Variants in DAB1 observed in about 807,000 individuals in gnomAD.
DAB1 encodes the protein DAB adaptor protein 1.
In DAB1, 15 loss-of-function variants were observed where a neutral mutation model predicts 64.6. That is an observed-to-expected ratio of 0.23 (90% CI 0.16 to 0.36). DAB1 has a LOEUF of 0.36. Among genes scored for constraint, DAB1 ranks in the 10% least tolerant of loss-of-function variants. The probability of loss-of-function intolerance (pLI) is 1.00; values close to 1 mark genes in which losing one functional copy is unlikely to be tolerated. For synonymous variants in DAB1, 235 were observed against 251.9 expected (o/e 0.93, Z 0.64); for missense variants, 596 against 706.7 (o/e 0.84, Z 1.78).
At chr1:58,007,972 C>T (rs767094979) in intron 5 of DAB1, among the ~76,000 whole-genome samples, 1 of 152,198 alleles carries the variant, frequency 6.6e-6, no homozygotes, top group South Asian at 2.1e-4. Context: ...GAATCTTCTA[C>T]GTGTCAAGCA....
chr1:57,057,989 A>G (rs1328065303), intron 9 of DAB1, among the ~76,000 whole-genome samples: 1 of 152,162 alleles, frequency 6.6e-6, no homozygotes, highest in Non-Finnish European at 1.5e-5. Flanking sequence ...AAAGAGTTTT[A>G]ATGACTTTAA....
At chr1:57,362,407 T>C (rs977348732) in intron 1 of DAB1, among the ~76,000 whole-genome samples, 5 of 152,176 alleles carry the variant, frequency 3.3e-5, no homozygotes, top group Non-Finnish European at 7.4e-5. Context: ...CTATACCTTC[T>C]CAGTGGCACC....
intron 1 of DAB1, among the ~76,000 whole-genome samples, chr1:57,409,096 C>T (rs1228311852): frequency 6.6e-6 from 1 of 152,192 alleles, no homozygotes; most frequent in Non-Finnish European, 1.5e-5. Context: ...TTCTATGCTT[C>T]CGGCAGCCCA....
chr1:57,872,061 T>C (rs2101957996), intron 1 of DAB1, among the ~76,000 whole-genome samples: 1 of 152,340 alleles, frequency 6.6e-6, no homozygotes, highest in Admixed American at 6.5e-5. Context: ...TAATCTACAC[T>C]GTAGGATTCT....
intron 3 of DAB1, among the ~76,000 whole-genome samples, chr1:58,486,709 A>G (rs901274298): frequency 5.9e-5 from 9 of 152,216 alleles, no homozygotes; most frequent in Non-Finnish European, 1.3e-4. Flanking sequence ...CAATGAGTAC[A>G]TGGAAGGGAA....
chr1:58,460,817 T>C (rs567588849), intron 3 of DAB1, among the ~76,000 whole-genome samples: 2 of 152,334 alleles, frequency 1.3e-5, no homozygotes, highest in East Asian at 1.9e-4. Flanking sequence ...TTTACTAAGA[T>C]GCAATTTACA....
intron 1 of DAB1, among the ~76,000 whole-genome samples, chr1:57,313,983 C>G: frequency 6.6e-6 from 1 of 152,292 alleles, no homozygotes; most frequent in African/African-American, 2.4e-5. Flanking sequence ...GATCTTGGAC[C>G]TTCCAGCCTC....
chr1:58,346,989 G>A lies in DAB1; in HGVS notation n.258-3586C>T, dbSNP rs1436988214. Among the ~76,000 whole-genome samples, 4 of 152,102 alleles carry A rather than the reference G, an allele frequency of 2.6e-5. No homozygotes were observed. In the East Asian group the frequency reaches 7.7e-4, roughly 29 times the overall value. On this transcript the variant is annotated intron_variant and non_coding_transcript_variant, in intron 3 of 20. Transcript: ENST00000485760. ...TAACCTCTCTGTGCCTCAACTGTAT[G>A]GTCCATTTTATCATATGACTCATTG... is the stretch of plus-strand genomic sequence containing the variant.
chr1:57,943,117 G>C (rs950455680), intron 5 of DAB1, among the ~76,000 whole-genome samples: 1 of 152,056 alleles, frequency 6.6e-6, no homozygotes, highest in African/African-American at 2.4e-5. Context: ...CTAATAAAAG[G>C]CTCATTAGGG....
intron 4 of DAB1, among the ~76,000 whole-genome samples, chr1:57,098,322 T>A (rs898139002): frequency 3.3e-5 from 5 of 152,204 alleles, no homozygotes; most frequent in African/African-American, 1.2e-4. Flanking sequence ...TAGGATAATA[T>A]TATAATTCTA....
At chr1:58,074,803 G>T (rs1260341025) in intron 5 of DAB1, among the ~76,000 whole-genome samples, 1 of 151,858 alleles carries the variant, frequency 6.6e-6, no homozygotes, top group African/African-American at 2.4e-5. Context: ...AGAAAGAAAA[G>T]ACTGTGGTTT....
intron 5 of DAB1, among the ~76,000 whole-genome samples, chr1:58,031,788 A>C (rs1646973798): frequency 6.6e-6 from 1 of 152,106 alleles, no homozygotes; most frequent in South Asian, 2.1e-4. Flanking sequence ...GGGCAGAAAA[A>C]CAATATCCTG....
chr1:57,848,724 T>G (rs550420845), intron 1 of DAB1, among the ~76,000 whole-genome samples: 21 of 152,326 alleles, frequency 1.4e-4, no homozygotes, highest in African/African-American at 5.1e-4. Context: ...GAAACCTAAG[T>G]TGATTCTGAA....
At chr1:57,849,307 T>C (rs1653420852) in intron 1 of DAB1, among the ~76,000 whole-genome samples, 1 of 152,230 alleles carries the variant, frequency 6.6e-6, no homozygotes, top group African/African-American at 2.4e-5. Flanking sequence ...TTGGCCTCTA[T>C]CTCTGCCTGC....
intron 9 of DAB1, among the ~76,000 whole-genome samples, chr1:57,033,820 G>A (rs1647040742): frequency 6.6e-6 from 1 of 152,220 alleles, no homozygotes; most frequent in Non-Finnish European, 1.5e-5. Context: ...CCTGCAATTA[G>A]AGACATTGCC....
chr1:58,529,677 T>A (rs1557455055), intron 1 of DAB1, among the ~76,000 whole-genome samples: 1 of 152,214 alleles, frequency 6.6e-6, no homozygotes. Context: ...GCTCTCTATA[T>A]CTGTGGATTA....
intron 4 of DAB1, among the ~76,000 whole-genome samples, chr1:58,157,880 A>G (rs1655303852): frequency 6.6e-6 from 1 of 152,212 alleles, no homozygotes; most frequent in African/African-American, 2.4e-5. Flanking sequence ...TTATGAGCTA[A>G]CACTTATGGG....
chr1:57,756,944 T>C (rs1020210906), intron 6 of DAB1, among the ~76,000 whole-genome samples: 2 of 151,962 alleles, frequency 1.3e-5, no homozygotes, highest in Non-Finnish European at 2.9e-5. Context: ...GAGAATATAC[T>C]AGAAACAAAA....
intron 2 of DAB1, among the ~76,000 whole-genome samples, chr1:57,204,964 T>C (rs755356609): frequency 6.6e-6 from 1 of 152,200 alleles, no homozygotes; most frequent in Non-Finnish European, 1.5e-5. Context: ...TAAAAGATGA[T>C]TGAAACAATT....
Sources: gnomAD v4.1 joint callset for allele counts (sites outside exome capture counted in the v4.1 genomes callset) on GRCh38, gnomAD v4.1.1 for gene constraint, MANE v1.5 for transcripts, NCBI Gene and HGNC (gene_info 2026-07-23, HGNC 2026-07-21) for gene names.